The following SLC12A1 variants were observed in gnomAD, a reference collection of about 807,000 sequenced individuals.
The protein encoded by SLC12A1 is solute carrier family 12 member 1, also known as Na-K-2Cl cotransporter.
SLC12A1 carries 89 observed loss-of-function variants against 130.4 expected under a neutral mutation model. The ratio of observed to expected loss-of-function variants is 0.68; its 90% CI spans 0.58 to 0.81. The LOEUF (loss-of-function observed/expected upper bound fraction) is 0.81. Ranked by LOEUF, SLC12A1 falls within the 40% of genes least tolerant of loss-of-function variation. SLC12A1 has a pLI of 0.00. For missense variants in SLC12A1, 1,310 were observed against 1,336.4 expected, an observed-to-expected ratio of 0.98 and a Z score of 0.31; for synonymous variants, 499 against 460.0, an observed-to-expected ratio of 1.08 and a Z score of -1.09.
chr15:48,251,698 A>C lies in SLC12A1; in HGVS notation c.1870A>C (p.Asn624His). Residue 624 changes from asparagine to histidine, a missense_variant, in exon 15 of 27, where the codon AAC (asparagine) becomes CAC (histidine). By Grantham distance (68) the Asn-to-His change is moderately conservative. Transcript: ENST00000380993. ...GTGCTGTGCAGTCATGTTTGTCATC[A>C]ACTGGTGGGCAGCTGTCATCACCTA... is the stretch of plus-strand genomic sequence containing the variant. ...VLCCAVMFVINWWAAVITYVI... is the reference protein window; with the variant it reads ...VLCCAVMFVIHWWAAVITYVI... The C allele has an allele frequency of 6.2e-7, 1 of 1,613,720 alleles. No homozygotes were observed. The highest frequency in any genetic ancestry group is 8.5e-7 in the Non-Finnish European group (1 of 1,179,680).
intron 24 of SLC12A1, among the ~76,000 whole-genome samples, chr15:48,295,442 G>A (rs930381700): frequency 6.6e-6 from 1 of 152,014 alleles, no homozygotes; most frequent in Non-Finnish European, 1.5e-5. Flanking sequence ...TGCTGAGGAG[G>A]CTGATGTACC....
At chr15:48,227,550 AG>A in intron 5 of SLC12A1, 1 of 268,360 alleles carries the variant, frequency 3.7e-6, no homozygotes, top group Non-Finnish European at 7.2e-6. Flanking sequence ...ATTGCCACTC[AG>A]TAAACCACTC....
chr15:48,206,801 C>T (rs1190395270), intron 1 of SLC12A1, among the ~76,000 whole-genome samples: 1 of 151,818 alleles, frequency 6.6e-6, no homozygotes, highest in African/African-American at 2.4e-5. Context: ...TAGCAGAGGA[C>T]TTTTTTAAGG....
intron 19 of SLC12A1, among the ~76,000 whole-genome samples, chr15:48,274,117 A>G (rs1720938100): frequency 6.6e-6 from 1 of 152,178 alleles, no homozygotes; most frequent in South Asian, 2.1e-4. Flanking sequence ...GAGGAACTGG[A>G]GAAATTTCTA....
At chr15:48,215,046 T>C (rs1458603228) in intron 2 of SLC12A1, among the ~76,000 whole-genome samples, 1 of 152,154 alleles carries the variant, frequency 6.6e-6, no homozygotes, top group African/African-American at 2.4e-5. Context: ...ACTTAAAGAA[T>C]AAATATATTT....
intron 26 of SLC12A1, 119 bp downstream of exon 26, chr15:48,301,501 T>TGGGG: frequency 2.2e-6 from 1 of 448,626 alleles, no homozygotes; most frequent in Admixed American, 4.7e-5. Flanking sequence ...TGTGTTTTTT[T>TGGGG]TGGGGGGGGG....
At chr15:48,219,508 T>G (rs976349555) in intron 2 of SLC12A1, among the ~76,000 whole-genome samples, 2 of 149,872 alleles carry the variant, frequency 1.3e-5, no homozygotes, top group Admixed American at 1.3e-4. Flanking sequence ...GTGAGCCGAG[T>G]TCATACCACT....
intron 10 of SLC12A1, among the ~76,000 whole-genome samples, chr15:48,243,573 T>C (rs949897155): frequency 1.3e-5 from 2 of 151,904 alleles, no homozygotes; most frequent in Admixed American, 1.3e-4. Context: ...GAGAATTGCT[T>C]GAACGCAGGA....
intron 17 of SLC12A1, among the ~76,000 whole-genome samples, chr15:48,265,239 G>A (rs1223926484): frequency 6.6e-6 from 1 of 152,054 alleles, no homozygotes; most frequent in Non-Finnish European, 1.5e-5. Flanking sequence ...TCTCAATATG[G>A]CAAGTTTAGG....
intron 2 of SLC12A1, among the ~76,000 whole-genome samples, chr15:48,215,895 AC>A (rs2041114939): frequency 6.6e-6 from 1 of 152,208 alleles, no homozygotes; most frequent in Admixed American, 6.5e-5. Context: ...TGGAGGACGT[AC>A]CCTGAATGAA....
intron 16 of SLC12A1, among the ~76,000 whole-genome samples, chr15:48,258,127 C>T (rs981457644): frequency 4.2e-5 from 3 of 70,594 alleles, no homozygotes; most frequent in Admixed American, 1.3e-4. Flanking sequence ...TTTGGGAGGC[C>T]GAGGCGGGCG....
intron 20 of SLC12A1, among the ~76,000 whole-genome samples, chr15:48,283,041 C>A (rs1325459985): frequency 2.0e-5 from 3 of 152,088 alleles, no homozygotes; most frequent in African/African-American, 7.2e-5. Context: ...GCAACACAGT[C>A]CCTGGCACCC....
chr15:48,259,439 TA>T, intron 17 of SLC12A1, 128 bp downstream of exon 17: 2 of 706,758 alleles, frequency 2.8e-6, no homozygotes, highest in Non-Finnish European at 5.1e-6. Flanking sequence ...GAGAGCCCTC[TA>T]CCTTGATTCA....
intron 17 of SLC12A1, among the ~76,000 whole-genome samples, chr15:48,261,844 G>A (rs2041778421): frequency 6.6e-6 from 1 of 152,094 alleles, no homozygotes; most frequent in South Asian, 2.1e-4. Flanking sequence ...CCACCTATTA[G>A]CCGTGAGTCC....
chr15:48,242,375 C>A (rs891787663), intron 10 of SLC12A1, among the ~76,000 whole-genome samples: 1 of 152,144 alleles, frequency 6.6e-6, no homozygotes, highest in African/African-American at 2.4e-5. Flanking sequence ...ACATCCCAGT[C>A]CTCTTCTGCT....
At chr15:48,260,259 CATA>C (rs199909192) in intron 17 of SLC12A1, among the ~76,000 whole-genome samples, 8,803 of 145,856 alleles carry the variant, frequency 0.06, 800 homozygotes, top group African/African-American at 0.19. Flanking sequence ...AGCAAGACTC[CATA>C]ATAATAATAA....
chr15:48,235,915 C>T (rs1018920469), intron 9 of SLC12A1, among the ~76,000 whole-genome samples: 4 of 152,118 alleles, frequency 2.6e-5, no homozygotes, highest in African/African-American at 9.7e-5. Context: ...TTGCATGTAT[C>T]GCTCCTGCTG....
intron 23 of SLC12A1, among the ~76,000 whole-genome samples, 170 bp from the exon 24 acceptor site, chr15:48,291,608 C>T (rs952524722): frequency 1.3e-5 from 2 of 152,108 alleles, no homozygotes; most frequent in Non-Finnish European, 2.9e-5. Context: ...ACACTTAATG[C>T]GTTCATCAAG....
intron 2 of SLC12A1, among the ~76,000 whole-genome samples, chr15:48,213,501 ATT>A (rs1242909450): frequency 2.4e-4 from 32 of 131,220 alleles, no homozygotes; most frequent in South Asian, 7.3e-4. Flanking sequence ...TTCCTCTAGA[ATT>A]TTTTTTTTTT....
Sources: allele counts gnomAD v4.1 joint callset (sites outside exome capture counted in the v4.1 genomes callset), GRCh38; gene constraint gnomAD v4.1.1; transcripts MANE v1.5; gene names NCBI Gene and HGNC (gene_info 2026-07-23, HGNC 2026-07-21).